Variants in RSRC1 observed in about 807,000 individuals in gnomAD.
RSRC1 encodes arginine and serine rich coiled-coil 1, also known as serine/Arginine-related protein 53.
A neutral mutation model predicts 49.1 loss-of-function variants in RSRC1; 39 were observed. The observed-to-expected ratio is 0.79, with a 90% CI of 0.61 to 1.04. The LOEUF (loss-of-function observed/expected upper bound fraction) is 1.04, where lower values mean the gene tolerates loss of function less well. Among genes scored for constraint, RSRC1 ranks in the 50% least tolerant of loss-of-function variants. The pLI is 0.00. For synonymous variants in RSRC1, 143 were observed against 130.8 expected, an observed-to-expected ratio of 1.09 and a Z score of -0.63; for missense variants, 388 against 402.4, an observed-to-expected ratio of 0.96 and a Z score of 0.31.
At chr3:158,510,236 T>C (rs1446154067) in intron 7 of RSRC1, among the ~76,000 whole-genome samples, 1 of 152,184 alleles carries the variant, frequency 6.6e-6, no homozygotes, top group Non-Finnish European at 1.5e-5. Flanking sequence ...TATGTATTGG[T>C]CATTGGTATT....
At chr3:158,326,159 A>G (rs1057219527) in intron 5 of RSRC1, among the ~76,000 whole-genome samples, 1 of 152,154 alleles carries the variant, frequency 6.6e-6, no homozygotes, top group African/African-American at 2.4e-5. Flanking sequence ...TAGATATACA[A>G]TCATGTCATC....
chr3:158,410,390 A>G (rs1046853021), intron 6 of RSRC1, among the ~76,000 whole-genome samples: 1 of 152,182 alleles, frequency 6.6e-6, no homozygotes, highest in Non-Finnish European at 1.5e-5. Context: ...TATCTCAGTG[A>G]AACATTCCTG....
intron 4 of RSRC1, among the ~76,000 whole-genome samples, chr3:158,257,226 C>T (rs1030631457): frequency 3.3e-5 from 5 of 152,218 alleles, no homozygotes; most frequent in African/African-American, 1.2e-4. Context: ...ATAAATTTCC[C>T]TCTACACACT....
At chr3:158,460,860 A>G (rs754852886) in intron 6 of RSRC1, 75 bp from the exon 7 acceptor site, 61 of 841,782 alleles carry the variant, frequency 7.2e-5, no homozygotes, top group Non-Finnish European at 9.8e-5. Flanking sequence ...ATGAATTTCT[A>G]GTCCCTTTAA....
intron 4 of RSRC1, among the ~76,000 whole-genome samples, chr3:158,286,917 C>T (rs1469787584): frequency 3.9e-5 from 6 of 152,312 alleles, no homozygotes; most frequent in East Asian, 1.9e-4. Context: ...ACCTCTGCCT[C>T]CTGGGTTCAA....
In RSRC1 at chr3:158,541,955, G is replaced by A. The variant is rs141714814; in HGVS notation, c.760-1380G>A. On this transcript the variant is annotated intron_variant, in intron 8 of 9. Coordinates refer to ENST00000611884, the MANE Select transcript of RSRC1 (RefSeq NM_001271838.2). ...TCCCCAGCACTTGGTACAGTGTATC[G>A]CACCTGGTGAATACTCAGTAAAGGT... 3.9e-3 allele frequency among the ~76,000 whole-genome samples: 589 copies of A among 152,186 alleles called. 4 individuals are homozygous for A. The highest frequency in any genetic ancestry group is 0.013 in the African/African-American group (548 of 41,520).
At chr3:158,270,186 T>A (rs913795260) in intron 4 of RSRC1, among the ~76,000 whole-genome samples, 2 of 152,182 alleles carry the variant, frequency 1.3e-5, no homozygotes, top group Non-Finnish European at 2.9e-5. Flanking sequence ...ATGGTTGACG[T>A]GTAGGAGATC....
rs12491598 is a variant in RSRC1 at position 158,545,365 on chromosome 3, C to A, written c.*1090C>A. ...TACAGGCACCCGCTAACATGCCCAG[C>A]TAATTTTTTGTGTTTTTAGTAGAGA... is the stretch of plus-strand genomic sequence containing the variant. On this transcript the variant is annotated 3_prime_UTR_variant, in exon 10 of 10. Transcript: ENST00000611884. 36,835 of 151,494 alleles carry A rather than the reference C, an allele frequency of 0.24. 4,532 individuals carry two copies. Among genetic ancestry groups the A allele is most frequent in the South Asian group, 0.3 (1,409 of 4,776 alleles). The allele number at this position is 151,494 out of a possible 1,614,324, so 9.4% of individuals were successfully genotyped here. A position where few individuals can be genotyped will look rare whatever the true frequency, so the allele number is the denominator to read the frequency against.
chr3:158,260,750 G>T (rs1019847658), intron 4 of RSRC1, among the ~76,000 whole-genome samples: 2 of 152,188 alleles, frequency 1.3e-5, no homozygotes, highest in African/African-American at 4.8e-5. Flanking sequence ...CGACTGGGAT[G>T]GACAGTTCAC....
chr3:158,379,046 C>T (rs1249625238), intron 6 of RSRC1, among the ~76,000 whole-genome samples: 1 of 150,848 alleles, frequency 6.6e-6, no homozygotes, highest in Non-Finnish European at 1.5e-5. Context: ...TTTCCTACCA[C>T]TTACCTAGAC....
chr3:158,267,917 A>T (rs827091), intron 4 of RSRC1, among the ~76,000 whole-genome samples: 11 of 136,156 alleles, frequency 8.1e-5, no homozygotes, highest in African/African-American at 1.1e-4. Context: ...ATTCAGCTGT[A>T]TTCTCCTGGG....
intron 4 of RSRC1, among the ~76,000 whole-genome samples, chr3:158,262,404 T>A (rs1724954338): frequency 6.6e-6 from 1 of 152,212 alleles, no homozygotes; most frequent in Admixed American, 6.5e-5. Context: ...ATTGCCTTTG[T>A]ATCTTCGTAA....
chr3:158,427,448 A>G (rs1013662974), intron 6 of RSRC1, among the ~76,000 whole-genome samples: 1 of 151,758 alleles, frequency 6.6e-6, no homozygotes, highest in Non-Finnish European at 1.5e-5. Flanking sequence ...AGGGAAATAC[A>G]TAAAAATAAT....
At chr3:158,324,238 T>TG (rs1488885977) in intron 5 of RSRC1, among the ~76,000 whole-genome samples, 1 of 151,616 alleles carries the variant, frequency 6.6e-6, no homozygotes. Flanking sequence ...TGTGCAAATT[T>TG]TTTTTTTATT....
intron 4 of RSRC1, among the ~76,000 whole-genome samples, chr3:158,290,783 A>G (rs941856127): frequency 6.6e-6 from 1 of 152,220 alleles, no homozygotes; most frequent in Non-Finnish European, 1.5e-5. Context: ...TGCTTTATGA[A>G]AGAAAAAAAT....
At chr3:158,542,579 C>T (rs1329094753) in intron 8 of RSRC1, among the ~76,000 whole-genome samples, 1 of 152,028 alleles carries the variant, frequency 6.6e-6, no homozygotes, top group Non-Finnish European at 1.5e-5. Context: ...CATGAAAGAC[C>T]ACATATTGTA....
intron 4 of RSRC1, among the ~76,000 whole-genome samples, chr3:158,264,946 T>G (rs1305118759): frequency 1.3e-5 from 2 of 152,248 alleles, no homozygotes; most frequent in African/African-American, 4.8e-5. Context: ...TTTACAGGCA[T>G]GTGCTAATTA....
At chr3:158,378,049 T>G (rs1732471531) in intron 6 of RSRC1, among the ~76,000 whole-genome samples, 1 of 152,218 alleles carries the variant, frequency 6.6e-6, no homozygotes, top group African/African-American at 2.4e-5. Context: ...AGTTTTCAGG[T>G]TGGATCATCT....
chr3:158,150,380 A>T (rs1446366180), intron 3 of RSRC1, among the ~76,000 whole-genome samples: 1 of 152,234 alleles, frequency 6.6e-6, no homozygotes, highest in Non-Finnish European at 1.5e-5. Flanking sequence ...GGGGGAAATC[A>T]CAAAGCTGAG....
Sources: gnomAD v4.1 joint callset for allele counts (sites outside exome capture counted in the v4.1 genomes callset) on GRCh38, gnomAD v4.1.1 for gene constraint, MANE v1.5 for transcripts, NCBI Gene and HGNC (gene_info 2026-07-23, HGNC 2026-07-21) for gene names.